Variants in ARID3B observed in about 807,000 individuals in gnomAD.
The protein encoded by ARID3B is AT-rich interaction domain 3B.
ARID3B carries 10 observed loss-of-function variants against 51.9 expected under a neutral mutation model. The observed-to-expected ratio is 0.19, with a 90% CI of 0.12 to 0.33. ARID3B has a LOEUF of 0.33. Ranked by LOEUF, ARID3B falls within the 10% of genes least tolerant of loss-of-function variation. The probability of loss-of-function intolerance (pLI) is 1.00; values close to 1 mark genes in which losing one functional copy is unlikely to be tolerated. For missense variants in ARID3B, 483 were observed against 716.3 expected (o/e 0.67, Z 3.72); for synonymous variants, 205 against 279.5 (o/e 0.73, Z 2.66).
chr15:74,582,378 G>T (rs939778827), intron 4 of ARID3B, among the ~76,000 whole-genome samples: 1 of 152,110 alleles, frequency 6.6e-6, no homozygotes, highest in Admixed American at 6.5e-5. Flanking sequence ...ATGCTGGACA[G>T]GCTGGTCTCA....
In ARID3B at chr15:74,583,661, G is replaced by A. The variant is rs184347909; in HGVS notation, c.698-6159G>A. The stretch of plus-strand genomic sequence containing the variant: ...GAACCTGGGAGGTGGAGTTTGCAGC[G>A]AGCCAAGATCACACTACTGCACTCC... On this transcript the variant is annotated intron_variant, in intron 4 of 8. Transcript: ENST00000346246. Among the ~76,000 whole-genome samples, 62 of 151,524 alleles carry A rather than the reference G, an allele frequency of 4.1e-4. 1 individual carries two copies. The highest frequency in any genetic ancestry group is 1.4e-3 in the African/African-American group (56 of 41,264).
At chr15:74,556,769 G>GTTTTTT (rs2061659559) in intron 2 of ARID3B, among the ~76,000 whole-genome samples, 1 of 126,312 alleles carries the variant, frequency 7.9e-6, no homozygotes, top group South Asian at 2.7e-4. Context: ...TCTTTTTTTT[G>GTTTTTT]TTTTTTGTTT....
chr15:74,591,869 C>T lies in ARID3B; in HGVS notation c.1420+55C>T, dbSNP rs1475525008. On this transcript the variant is annotated intron_variant, in intron 7 of 8. Coordinates refer to ENST00000346246, the MANE Select transcript of ARID3B (RefSeq NM_006465.4). The surrounding 1 kb of genome is among the most constrained non-coding windows in gnomAD (Gnocchi z 5.8). ...TTCCTGGAAACCCCAAGCCCATTCACGCCTCCTGGGACTGGTGGGGCAGGG... is the reference window on the plus strand; with the variant it reads ...TTCCTGGAAACCCCAAGCCCATTCATGCCTCCTGGGACTGGTGGGGCAGGG... 6.3e-6 allele frequency: 10 copies of T among 1,582,790 alleles called. No homozygotes were observed. Among genetic ancestry groups the T allele is most frequent in the Non-Finnish European group, 8.6e-6 (10 of 1,161,754 alleles).
intron 4 of ARID3B, among the ~76,000 whole-genome samples, chr15:74,586,646 A>G (rs1305129014): frequency 6.6e-6 from 1 of 152,156 alleles, no homozygotes; most frequent in East Asian, 1.9e-4. Context: ...AAGTGGGAGG[A>G]TTGCTTGAGT....
At chr15:74,563,945 C>T (rs1025109668) in intron 2 of ARID3B, among the ~76,000 whole-genome samples, 1 of 152,196 alleles carries the variant, frequency 6.6e-6, no homozygotes, top group Non-Finnish European at 1.5e-5. Context: ...CCCTCTCTTC[C>T]TCCCCTGCTC....
At position 74,591,499 on chromosome 15, in the gene ARID3B, G is replaced by T; in HGVS notation, c.1166-61G>T. The T allele has an allele frequency of 6.3e-7, 1 of 1,594,488 alleles. No homozygotes were observed. The highest frequency in any genetic ancestry group is 8.6e-7 in the Non-Finnish European group (1 of 1,166,346). On this transcript the variant is annotated intron_variant, in intron 6 of 8. Transcript: ENST00000346246. The surrounding 1 kb of genome is among the most constrained non-coding windows in gnomAD (Gnocchi z 5.8). Reference sequence around the variant, plus strand: ...AGGGATGCCAGTTCCCTGTGTTCAAGACTGGGGTTTTGGGGCAAGAGGGTC... The same window carrying T: ...AGGGATGCCAGTTCCCTGTGTTCAATACTGGGGTTTTGGGGCAAGAGGGTC...
chr15:74,558,146 G>A (rs1005493230), intron 2 of ARID3B, among the ~76,000 whole-genome samples: 1 of 146,200 alleles, frequency 6.8e-6, no homozygotes. Flanking sequence ...TTCCACTTGG[G>A]TCTCTGTCTG....
intron 2 of ARID3B, among the ~76,000 whole-genome samples, chr15:74,552,170 T>C (rs2061640094): frequency 7.0e-6 from 1 of 143,312 alleles, no homozygotes; most frequent in Admixed American, 7.1e-5. Flanking sequence ...CAAGCGATTC[T>C]CCTGCCTCAG....
chr15:74,563,046 G>T (rs1263450744), intron 2 of ARID3B, among the ~76,000 whole-genome samples: 5 of 152,164 alleles, frequency 3.3e-5, no homozygotes, highest in Non-Finnish European at 7.3e-5. Context: ...CACTTAGCTT[G>T]TGCTGAGTCT....
chr15:74,552,114 T>C (rs1448983769), intron 2 of ARID3B, among the ~76,000 whole-genome samples: 1 of 136,244 alleles, frequency 7.3e-6, no homozygotes, highest in Admixed American at 8.1e-5. Context: ...CAGGCTAGAG[T>C]GCTGTGGCGT....
At chr15:74,545,373 G>T (rs1032939183) in intron 2 of ARID3B, among the ~76,000 whole-genome samples, 2 of 152,200 alleles carry the variant, frequency 1.3e-5, no homozygotes, top group Non-Finnish European at 2.9e-5. Flanking sequence ...TTTAGTCAAG[G>T]AAAGCTGAAG....
intron 4 of ARID3B, among the ~76,000 whole-genome samples, chr15:74,580,405 G>A (rs4887163): frequency 0.24 from 36,389 of 152,104 alleles, 5,742 homozygotes; most frequent in East Asian, 0.55. Context: ...TCATCAGTGA[G>A]GAAGAAAAGC....
Position 74,572,905 on chromosome 15 carries a change from G to A in ARID3B, c.596G>A (p.Gly199Glu), listed in dbSNP as rs1387897400. The A allele has an allele frequency of 6.2e-7, 1 of 1,614,212 alleles. No homozygotes were observed. The highest frequency in any genetic ancestry group is 1.1e-5 in the South Asian group (1 of 91,086). ...AGTGATGATGCAGATGGAGGCCGGG[G>A]AAGAGAGATCTCTCGAGATTTTGCC... is the stretch of plus-strand genomic sequence containing the variant. The part of the protein sequence containing the change: ...AWSDDADGGR[G>E]REISRDFAKL... The change falls in exon 3 of 9, where the codon GGA becomes GAA. Residue 199 changes from glycine (G) to glutamate (E), a missense_variant. Coordinates refer to ENST00000346246, the MANE Select transcript of ARID3B (RefSeq NM_006465.4).
chr15:74,552,942 A>G (rs1334493807), intron 2 of ARID3B, among the ~76,000 whole-genome samples: 1 of 152,194 alleles, frequency 6.6e-6, no homozygotes, highest in Non-Finnish European at 1.5e-5. Flanking sequence ...TTATCTGGGT[A>G]AATACCAAGA....
At position 74,556,763 on chromosome 15, in the gene ARID3B, T is replaced by C. The variant is rs1036213682; in HGVS notation, c.552+12275T>C. ...CTCACTTTCCTTTTCCTTTTTTCTT[T>C]TTTTTGTTTTTTGTTTTTTTTTTTT... On this transcript the variant is annotated intron_variant, in intron 2 of 8. Transcript: ENST00000346246. 9.2e-5 allele frequency among the ~76,000 whole-genome samples: 13 copies of C among 140,958 alleles called. No individual in the cohort carries two copies. The Admixed American group carries it at 1.0e-3, about 11-fold the overall frequency. The allele number at this position is 140,958 out of a possible 152,430, so 92.5% of individuals were successfully genotyped here.
intron 2 of ARID3B, among the ~76,000 whole-genome samples, chr15:74,565,828 TG>T (rs1273731768): frequency 3.3e-5 from 5 of 152,112 alleles, no homozygotes; most frequent in Admixed American, 1.3e-4. Context: ...TTCTTCTCAT[TG>T]GAAGATTGGC....
At chr15:74,545,008 T>C (rs916018240) in intron 2 of ARID3B, among the ~76,000 whole-genome samples, 1 of 152,204 alleles carries the variant, frequency 6.6e-6, no homozygotes, top group Non-Finnish European at 1.5e-5. Flanking sequence ...ACTCTTAATA[T>C]AGGTTTTGCC....
At chr15:74,557,731 C>A (rs1054104989) in intron 2 of ARID3B, among the ~76,000 whole-genome samples, 3 of 150,010 alleles carry the variant, frequency 2.0e-5, no homozygotes, top group African/African-American at 7.4e-5. Flanking sequence ...TAGGGAGGAT[C>A]TTTTTCTCTC....
chr15:74,570,846 G>T (rs2061716813), intron 2 of ARID3B, among the ~76,000 whole-genome samples: 1 of 152,164 alleles, frequency 6.6e-6, no homozygotes. Context: ...CAGATTTCTG[G>T]TGACTGTAAT....
Sources: gnomAD v4.1 joint callset for allele counts (sites outside exome capture counted in the v4.1 genomes callset) on GRCh38, gnomAD v4.1.1 for gene constraint, Gnocchi (gnomAD v3.1) non-coding constraint, MANE v1.5 for transcripts, NCBI Gene and HGNC (gene_info 2026-07-23, HGNC 2026-07-21) for gene names.